Variants in PDE1C observed in about 807,000 individuals in gnomAD.
PDE1C encodes the protein phosphodiesterase 1C.
In PDE1C, 62 loss-of-function variants were observed where a neutral mutation model predicts 93.1. The observed-to-expected ratio is 0.67, with a 90% CI of 0.54 to 0.82. PDE1C has a LOEUF of 0.82. Among genes scored for constraint, PDE1C ranks in the 40% least tolerant of loss-of-function variants. The pLI is 0.00. For missense variants in PDE1C, 742 were observed against 884.6 expected, an observed-to-expected ratio of 0.84 and a Z score of 2.04; for synonymous variants, 325 against 310.1, an observed-to-expected ratio of 1.05 and a Z score of -0.50.
exon 3 of PDE1C, chr7:32,169,875 A>G (rs1802538143): frequency 6.2e-7 from 1 of 1,612,422 alleles, no homozygotes; most frequent in Non-Finnish European, 8.5e-7. Flanking sequence ...GTCATGGACA[A>G]TTGTTGGCCT....
the PDE1C span, among the ~76,000 whole-genome samples, chr7:31,648,263 G>A: frequency 6.6e-6 from 1 of 152,114 alleles, no homozygotes; most frequent in African/African-American, 2.4e-5. Context: ...GTTTCAATGG[G>A]TTTGGGTCAG....
At chr7:31,809,466 G>A (rs529536829) in intron 15 of PDE1C, among the ~76,000 whole-genome samples, 5 of 152,098 alleles carry the variant, frequency 3.3e-5, no homozygotes, top group East Asian at 1.9e-4. Flanking sequence ...TTTCCTATCT[G>A]TAAAATGGGT....
the PDE1C span, among the ~76,000 whole-genome samples, chr7:31,623,431 G>A: frequency 6.6e-6 from 1 of 150,926 alleles, no homozygotes; most frequent in Non-Finnish European, 1.5e-5. Flanking sequence ...TCATCCCTGG[G>A]ATGCAAGGCT....
At chr7:31,956,031 A>G (rs1159708381) in intron 2 of PDE1C, among the ~76,000 whole-genome samples, 1 of 152,182 alleles carries the variant, frequency 6.6e-6, no homozygotes, top group Non-Finnish European at 1.5e-5. Flanking sequence ...CACCTGAGTC[A>G]AAGGGCGATG....
intron 2 of PDE1C, among the ~76,000 whole-genome samples, chr7:32,186,560 G>C (rs1803898253): frequency 6.6e-6 from 1 of 152,076 alleles, no homozygotes; most frequent in Non-Finnish European, 1.5e-5. Context: ...TTTAGTGGTG[G>C]TGTCGCTTAA....
intron 2 of PDE1C, among the ~76,000 whole-genome samples, chr7:32,181,398 G>T (rs1218467111): frequency 1.3e-5 from 2 of 152,208 alleles, no homozygotes; most frequent in Admixed American, 6.5e-5. Flanking sequence ...ATAGTTGGAA[G>T]TAAAGCACTC....
At chr7:31,756,384 T>G (rs1794469611) in intron 17 of PDE1C, among the ~76,000 whole-genome samples, 4 of 152,158 alleles carry the variant, frequency 2.6e-5, no homozygotes, top group Non-Finnish European at 2.9e-5. Flanking sequence ...AATTGAGAGA[T>G]ATTCCACAAA....
chr7:32,034,488 C>T (rs770667632), intron 2 of PDE1C, among the ~76,000 whole-genome samples: 4 of 152,118 alleles, frequency 2.6e-5, no homozygotes, highest in Non-Finnish European at 5.9e-5. Flanking sequence ...ATTTGGAGAT[C>T]CTATTCCTTG....
intron 1 of PDE1C, among the ~76,000 whole-genome samples, chr7:32,285,701 GGA>G (rs898917530): frequency 1.3e-5 from 2 of 150,418 alleles, no homozygotes; most frequent in African/African-American, 2.5e-5. Flanking sequence ...GAAGAAAGAA[GGA>G]GAGAGGGGAG....
At chr7:31,695,500 T>A in the PDE1C span, 1 of 1,613,060 alleles carries the variant, frequency 6.2e-7, no homozygotes, top group South Asian at 1.1e-5. Flanking sequence ...TTAAGGACTG[T>A]GATCTCAAAA....
chr7:32,113,843 A>G (rs1798825101), intron 3 of PDE1C, among the ~76,000 whole-genome samples: 1 of 152,178 alleles, frequency 6.6e-6, no homozygotes, highest in Non-Finnish European at 1.5e-5. Flanking sequence ...ACAATAGACA[A>G]GCAGAGAGCC....
intron 1 of PDE1C, among the ~76,000 whole-genome samples, chr7:32,313,829 C>G (rs558871463): frequency 6.6e-6 from 1 of 151,712 alleles, no homozygotes; most frequent in Admixed American, 6.6e-5. Context: ...GGGTGCAGCA[C>G]ACCAACATGG....
intron 1 of PDE1C, among the ~76,000 whole-genome samples, chr7:32,283,602 G>A (rs2128893614): frequency 6.6e-6 from 1 of 152,246 alleles, no homozygotes. Context: ...AAGCACCATG[G>A]ATCCACATTA....
At chr7:32,255,400 A>G (rs1314802823) in intron 1 of PDE1C, among the ~76,000 whole-genome samples, 1 of 152,164 alleles carries the variant, frequency 6.6e-6, no homozygotes, top group Non-Finnish European at 1.5e-5. Context: ...AAACTTTTTA[A>G]CTTGAGAGCG....
At chr7:32,420,229 A>G (rs9690646) in intron 1 of PDE1C, among the ~76,000 whole-genome samples, 1 of 25,266 alleles carries the variant, frequency 4.0e-5, no homozygotes, top group Admixed American at 7.7e-4. Flanking sequence ...ATACATATAT[A>G]TGTATATATA....
At chr7:32,150,190 G>C (rs1801152957) in intron 3 of PDE1C, among the ~76,000 whole-genome samples, 1 of 152,198 alleles carries the variant, frequency 6.6e-6, no homozygotes, top group Non-Finnish European at 1.5e-5. Context: ...GCTGGCTTCT[G>C]GCAGAGCCAC....
At chr7:32,286,495 G>A (rs955460464) in intron 1 of PDE1C, among the ~76,000 whole-genome samples, 2 of 152,212 alleles carry the variant, frequency 1.3e-5, no homozygotes, top group Non-Finnish European at 2.9e-5. Context: ...TGTGGAAGGG[G>A]TGTGTGTTTG....
At chr7:32,131,387 G>C (rs1799912248) in intron 3 of PDE1C, among the ~76,000 whole-genome samples, 1 of 152,094 alleles carries the variant, frequency 6.6e-6, no homozygotes, top group African/African-American at 2.4e-5. Context: ...CCTAGTTCAT[G>C]GTAGATTCTC....
chr7:31,854,101 G>T (rs1793700419), intron 7 of PDE1C, among the ~76,000 whole-genome samples: 1 of 152,048 alleles, frequency 6.6e-6, no homozygotes, highest in African/African-American at 2.4e-5. Flanking sequence ...ATATGACTTA[G>T]CAATTATCTG....
Sources: allele counts gnomAD v4.1 joint callset (sites outside exome capture counted in the v4.1 genomes callset), GRCh38; gene constraint gnomAD v4.1.1; transcripts MANE v1.5; gene names NCBI Gene and HGNC (gene_info 2026-07-23, HGNC 2026-07-21).